Variants in TUSC3 observed in about 807,000 individuals in gnomAD.
The protein encoded by TUSC3 is dolichyl-diphosphooligosaccharide--protein glycosyltransferase subunit TUSC3.
Under a neutral mutation model 44.8 loss-of-function variants are expected in TUSC3, and 45 were observed. The ratio of observed to expected loss-of-function variants is 1.00; its 90% CI spans 0.79 to 1.29. The LOEUF (loss-of-function observed/expected upper bound fraction) is 1.29, where lower values mean the gene tolerates loss of function less well. Among genes scored for constraint, TUSC3 ranks in the 50% most tolerant of loss-of-function variants. The probability of loss-of-function intolerance (pLI) is 0.00; values close to 1 mark genes in which losing one functional copy is unlikely to be tolerated. For missense variants in TUSC3, 519 were observed against 437.9 expected, an observed-to-expected ratio of 1.19 and a Z score of -1.65; for synonymous variants, 212 against 152.9, an observed-to-expected ratio of 1.39 and a Z score of -2.85.
At chr8:15,475,536 T>C (rs1188782193) in intron 1 of TUSC3, among the ~76,000 whole-genome samples, 3 of 152,152 alleles carry the variant, frequency 2.0e-5, no homozygotes, top group Non-Finnish European at 4.4e-5. Flanking sequence ...AACATTGAGA[T>C]CAGAAATTGT....
chr8:15,654,173 C>T (rs910698418), intron 3 of TUSC3, among the ~76,000 whole-genome samples: 3 of 152,114 alleles, frequency 2.0e-5, no homozygotes, highest in Non-Finnish European at 4.4e-5. Flanking sequence ...ATGGATTTTC[C>T]TATAGTTTTC....
chr8:15,738,827 C>CTTTTTTTTTTCTTTCTTTTTTTTT lies in TUSC3; in HGVS notation c.863-4701_863-4700insCTTTCTTTTTTTTTTTTTTTTTTT, dbSNP rs1373248681. Among the ~76,000 whole-genome samples, 704 of 87,188 alleles carry CTTTTTTTTTTCTTTCTTTTTTTTT rather than the reference C, an allele frequency of 8.1e-3. 127 individuals carry two copies. Among genetic ancestry groups the CTTTTTTTTTTCTTTCTTTTTTTTT allele is most frequent in the East Asian group, 0.012 (32 of 2,678 alleles). The allele number at this position is 87,188 out of a possible 152,430, so 57.2% of individuals were successfully genotyped here. The stretch of plus-strand genomic sequence containing the variant: ...ACAAAATTACTATTAATATATCTTG[C>CTTTTTTTTTTCTTTCTTTTTTTTT]TTTTTTTTTTTTTTTTTTTTTTTGA... On this transcript the variant is annotated intron_variant, in intron 7 of 10. Transcript: ENST00000503731.
chr8:15,748,275 A>C lies in TUSC3; in HGVS notation c.938-100A>C, dbSNP rs553311361. ...TACCTGTATGTACCATGAACTGTTA[A>C]ATGTAAGTATACTGTAATTGAATGC... On this transcript the variant is annotated intron_variant, in intron 8 of 10. Transcript: ENST00000503731. 7.4e-5 allele frequency: 67 copies of C among 902,682 alleles called. 3 individuals are homozygous for C. The South Asian group carries it at 8.3e-4, about 11-fold the overall frequency. The allele number at this position is 902,682 out of a possible 1,614,324, so 55.9% of individuals were successfully genotyped here.
the TUSC3 span, among the ~76,000 whole-genome samples, chr8:15,789,089 C>G: frequency 6.6e-6 from 1 of 152,210 alleles, no homozygotes; most frequent in Non-Finnish European, 1.5e-5. Flanking sequence ...GTCATTCAAG[C>G]ATGCCCATGA....
chr8:15,695,912 G>T (rs551365415), intron 6 of TUSC3, among the ~76,000 whole-genome samples: 1 of 152,158 alleles, frequency 6.6e-6, no homozygotes, highest in Non-Finnish European at 1.5e-5. Context: ...CATTCAAGAA[G>T]TGAGGTGGGT....
rs569010574 is a variant in TUSC3 at position 15,762,372 on chromosome 8, C to T, written c.*47-1831C>T. 7.2e-5 allele frequency among the ~76,000 whole-genome samples: 11 copies of T among 151,848 alleles called. No homozygotes were observed. In the South Asian group the frequency reaches 1.2e-3, roughly 17 times the overall value. On this transcript the variant is annotated intron_variant, in intron 10 of 10. Transcript: ENST00000503731. ...TAATGATATAAACAACTGATTGTTA[C>T]ACCAGGTTAAGAAAATTACTAAATG...
intron 8 of TUSC3, among the ~76,000 whole-genome samples, chr8:15,748,086 T>TA (rs1811499622): frequency 6.6e-6 from 1 of 152,084 alleles, no homozygotes; most frequent in Non-Finnish European, 1.5e-5. Context: ...AAGAACTCTA[T>TA]AAAAGAAGAA....
intron 1 of TUSC3, among the ~76,000 whole-genome samples, chr8:15,571,408 G>A (rs1802873478): frequency 1.3e-5 from 2 of 152,180 alleles, no homozygotes; most frequent in South Asian, 4.2e-4. Flanking sequence ...TTAGAAGTTA[G>A]GTTTACACTG....
chr8:15,638,374 T>C lies in TUSC3; in HGVS notation c.309-12323T>C, dbSNP rs1012069667. Among the ~76,000 whole-genome samples, 20 of 152,256 alleles carry C rather than the reference T, an allele frequency of 1.3e-4. No homozygotes were observed. In the East Asian group the frequency reaches 3.5e-3, roughly 26 times the overall value. ...TTATGCTTTTTGGAGAACTACATGG[T>C]TTTTGGAGTTCTTTGTTGGTTATCA... On this transcript the variant is annotated intron_variant, in intron 2 of 10. Coordinates refer to ENST00000503731, the MANE Select transcript of TUSC3 (RefSeq NM_006765.4).
chr8:15,632,409 C>T (rs1183065623), intron 2 of TUSC3, among the ~76,000 whole-genome samples: 1 of 152,108 alleles, frequency 6.6e-6, no homozygotes, highest in African/African-American at 2.4e-5. Context: ...TATCAGGAGG[C>T]CCATAATATT....
chr8:15,497,474 T>C (rs1158933947), intron 2 of TUSC3, among the ~76,000 whole-genome samples: 4 of 152,194 alleles, frequency 2.6e-5, no homozygotes, highest in Admixed American at 1.3e-4. Flanking sequence ...GCTAGTGCCT[T>C]TTCTTAGAAA....
the TUSC3 span, among the ~76,000 whole-genome samples, chr8:15,791,532 C>A: frequency 6.6e-6 from 1 of 152,026 alleles, no homozygotes; most frequent in East Asian, 1.9e-4. Flanking sequence ...ACTGGGGAGA[C>A]CACTGTTTCG....
chr8:15,504,619 ATATTTTTTTT>A (rs1801026627), intron 2 of TUSC3, among the ~76,000 whole-genome samples: 1 of 16,394 alleles, frequency 6.1e-5, no homozygotes, highest in African/African-American at 3.6e-4. Flanking sequence ...ATATATATAT[ATATTTTTTTT>A]TTTTTTTTTT....
chr8:15,727,268 A>G (rs746141226), intron 6 of TUSC3, among the ~76,000 whole-genome samples: 4 of 152,124 alleles, frequency 2.6e-5, no homozygotes, highest in Non-Finnish European at 4.4e-5. Context: ...TCTAAGGTCA[A>G]TCCTTAAGAC....
chr8:15,648,914 A>G (rs1296868653), intron 2 of TUSC3, among the ~76,000 whole-genome samples: 2 of 151,874 alleles, frequency 1.3e-5, no homozygotes, highest in African/African-American at 2.4e-5. Context: ...GGGATAGAGA[A>G]CTAATGAAAA....
At chr8:15,458,677 C>T (rs1800297109) in intron 1 of TUSC3, among the ~76,000 whole-genome samples, 2 of 152,104 alleles carry the variant, frequency 1.3e-5, no homozygotes, top group Non-Finnish European at 2.9e-5. Context: ...TTTAAAAGTT[C>T]GAGTGCATGC....
intron 1 of TUSC3, among the ~76,000 whole-genome samples, chr8:15,611,105 A>G (rs1804742290): frequency 6.6e-6 from 1 of 152,132 alleles, no homozygotes; most frequent in Non-Finnish European, 1.5e-5. Flanking sequence ...CAGAGGTGGA[A>G]TTGGTTTGGG....
chr8:15,509,815 C>T (rs1294965810), intron 2 of TUSC3, among the ~76,000 whole-genome samples: 2 of 152,132 alleles, frequency 1.3e-5, no homozygotes, highest in Non-Finnish European at 2.9e-5. Flanking sequence ...GAATGTGAAT[C>T]TATGAGGAGA....
chr8:15,654,060 T>G (rs1307749840), intron 3 of TUSC3, among the ~76,000 whole-genome samples: 1 of 152,180 alleles, frequency 6.6e-6, no homozygotes, highest in African/African-American at 2.4e-5. Context: ...TGTTGTGCTC[T>G]GCTGTGGGTA....
Sources: allele counts gnomAD v4.1 joint callset (sites outside exome capture counted in the v4.1 genomes callset), GRCh38; gene constraint gnomAD v4.1.1; transcripts MANE v1.5; gene names NCBI Gene and HGNC (gene_info 2026-07-23, HGNC 2026-07-21).